The following WWOX variants were observed in gnomAD, a reference collection of about 807,000 sequenced individuals.
WWOX encodes WW domain-containing oxidoreductase.
In WWOX, 69 loss-of-function variants were observed where a neutral mutation model predicts 46.2. The ratio of observed to expected loss-of-function variants is 1.49; its 90% CI spans 1.23 to 1.82. The LOEUF is 1.82. Among genes scored for constraint, WWOX ranks in the 40% most tolerant of loss-of-function variants. The pLI is 0.00. For missense variants in WWOX, 919 were observed against 542.6 expected (o/e 1.69, Z -6.89); for synonymous variants, 359 against 202.6 (o/e 1.77, Z -6.56).
At chr16:79,102,292 A>C (rs1428272263) in intron 8 of WWOX, among the ~76,000 whole-genome samples, 1 of 152,182 alleles carries the variant, frequency 6.6e-6, no homozygotes, top group Non-Finnish European at 1.5e-5. Context: ...GACTATGGAC[A>C]AGAGGTGTTT....
At chr16:78,886,017 C>G (rs577111361) in intron 8 of WWOX, among the ~76,000 whole-genome samples, 123 of 151,002 alleles carry the variant, frequency 8.1e-4, no homozygotes, top group African/African-American at 2.8e-3. Context: ...CTCTGCCTCC[C>G]AAGTTCAAGC....
chr16:79,147,973 G>C (rs145836532), intron 8 of WWOX, among the ~76,000 whole-genome samples: 1 of 151,754 alleles, frequency 6.6e-6, no homozygotes, highest in Non-Finnish European at 1.5e-5. Context: ...TCTAGTTATT[G>C]GTTCTTTGTT....
At chr16:79,074,000 G>GA (rs140257428) in intron 8 of WWOX, among the ~76,000 whole-genome samples, 51,500 of 148,560 alleles carry the variant, frequency 0.35, 9,290 homozygotes, top group Middle Eastern at 0.43. Context: ...AAAGGTCTGA[G>GA]GAAAAAAAAA....
intron 8 of WWOX, among the ~76,000 whole-genome samples, chr16:79,194,004 A>G (rs773618341): frequency 1.3e-5 from 2 of 152,184 alleles, no homozygotes; most frequent in Non-Finnish European, 2.9e-5. Context: ...TCTTTGTCTC[A>G]GTTTTCTGTA....
At chr16:79,000,849 A>G (rs1277908904) in intron 8 of WWOX, among the ~76,000 whole-genome samples, 8 of 151,876 alleles carry the variant, frequency 5.3e-5, no homozygotes, top group Admixed American at 5.2e-4. Context: ...AGGACCCTGG[A>G]CCTCTCTTCC....
chr16:78,494,373 C>G (rs745878234), intron 8 of WWOX, among the ~76,000 whole-genome samples: 1 of 152,128 alleles, frequency 6.6e-6, no homozygotes, highest in Non-Finnish European at 1.5e-5. Flanking sequence ...CCAAACCACA[C>G]TGGAAGGTAA....
At chr16:79,148,839 A>G (rs1268322680) in intron 8 of WWOX, among the ~76,000 whole-genome samples, 1 of 152,098 alleles carries the variant, frequency 6.6e-6, no homozygotes, top group Non-Finnish European at 1.5e-5. Context: ...TAGAAATATG[A>G]TTGAGTTTTG....
chr16:79,034,777 A>G (rs1041844344), intron 8 of WWOX, among the ~76,000 whole-genome samples: 2 of 152,214 alleles, frequency 1.3e-5, no homozygotes, highest in African/African-American at 4.8e-5. Flanking sequence ...TTGGAATGCC[A>G]TAAATTACAT....
intron 8 of WWOX, among the ~76,000 whole-genome samples, chr16:78,988,478 A>G (rs2046823734): frequency 6.6e-6 from 1 of 151,652 alleles, no homozygotes; most frequent in East Asian, 1.9e-4. Context: ...GATGGAGAAG[A>G]CTCCTTGGAA....
At chr16:79,179,405 G>A (rs1296985977) in intron 8 of WWOX, among the ~76,000 whole-genome samples, 1 of 152,172 alleles carries the variant, frequency 6.6e-6, no homozygotes, top group Admixed American at 6.5e-5. Flanking sequence ...CTCCCCAGCA[G>A]TAATGCCTGA....
At chr16:78,451,562 C>T (rs980522869) in intron 8 of WWOX, among the ~76,000 whole-genome samples, 1 of 152,116 alleles carries the variant, frequency 6.6e-6, no homozygotes, top group African/African-American at 2.4e-5. Flanking sequence ...TGCTGGCCAG[C>T]CACATTACCT....
chr16:78,891,774 A>G lies in WWOX; in HGVS notation c.1057-319834A>G, dbSNP rs554819386. The G allele has an allele frequency of 3.3e-5, 5 of 152,320 alleles. 1 individual carries two copies. The East Asian group carries it at 7.7e-4, about 24-fold the overall frequency. The allele number at this position is 152,320 out of a possible 1,614,324, so 9.4% of individuals were successfully genotyped here. A position where few individuals can be genotyped will look rare whatever the true frequency, so the allele number is the denominator to read the frequency against. On this transcript the variant is annotated intron_variant, in intron 8 of 8. Coordinates refer to ENST00000566780, the MANE Select transcript of WWOX (RefSeq NM_016373.4). ...AATGATTTCGAATCCACTGCTGGGT[A>G]TTCTTCTAAGAGCACTGAAATGTCC...
At chr16:78,783,267 G>C (rs903593571) in intron 8 of WWOX, among the ~76,000 whole-genome samples, 1 of 152,346 alleles carries the variant, frequency 6.6e-6, no homozygotes, top group African/African-American at 2.4e-5. Context: ...ACAGGCTCCT[G>C]TTAAGCTCTC....
In WWOX at chr16:79,091,680, G is replaced by C. The variant is rs534595714; in HGVS notation, c.1057-119928G>C. Among the ~76,000 whole-genome samples, 3 of 151,784 alleles carry C rather than the reference G, an allele frequency of 2.0e-5. No individual in the cohort carries two copies. The South Asian group carries it at 6.2e-4, about 32-fold the overall frequency. On this transcript the variant is annotated intron_variant, in intron 8 of 8. Transcript: ENST00000566780. ...GACTCAAGGATATTCTTACCTCTTCGTTAAAGCAGCTCGCCTAAGGACTTT... is the reference window on the plus strand; with the variant it reads ...GACTCAAGGATATTCTTACCTCTTCCTTAAAGCAGCTCGCCTAAGGACTTT...
Position 78,356,071 on chromosome 16 carries a change from T to TAAAAAAAAAAAAAA in WWOX, c.517-30780_517-30767dup, listed in dbSNP as rs61113878. Among the ~76,000 whole-genome samples the TAAAAAAAAAAAAAA allele has an allele frequency of 9.9e-4, 75 of 76,136 alleles. 2 individuals carry two copies. Among genetic ancestry groups the TAAAAAAAAAAAAAA allele is most frequent in the African/African-American group, 2.2e-3 (48 of 21,592 alleles). The allele number at this position is 76,136 out of a possible 152,430, so 49.9% of individuals were successfully genotyped here. On this transcript the variant is annotated intron_variant, in intron 5 of 8. Coordinates refer to ENST00000566780, the MANE Select transcript of WWOX (RefSeq NM_016373.4). ...TATGACCACCAAGATTTTTTTTTCC[T>TAAAAAAAAAAAAAA]AAAAAAAAAAAAAAAAAAAAAAGAA...
At chr16:78,950,658 G>A (rs1019811177) in intron 8 of WWOX, among the ~76,000 whole-genome samples, 2 of 152,026 alleles carry the variant, frequency 1.3e-5, no homozygotes, top group African/African-American at 4.8e-5. Context: ...ATTTTGAGGT[G>A]GAATCCTTTT....
At chr16:78,618,356 G>A (rs928072028) in intron 8 of WWOX, among the ~76,000 whole-genome samples, 1 of 152,154 alleles carries the variant, frequency 6.6e-6, no homozygotes, top group Non-Finnish European at 1.5e-5. Flanking sequence ...CTGGAGGTTG[G>A]GAGTCCTAGA....
intron 8 of WWOX, among the ~76,000 whole-genome samples, chr16:78,560,991 G>C (rs1011784809): frequency 6.6e-6 from 1 of 152,138 alleles, no homozygotes; most frequent in African/African-American, 2.4e-5. Context: ...TCTGCTCAGG[G>C]TCTCTTGGGG....
chr16:78,591,560 C>G (rs976324776), intron 8 of WWOX, among the ~76,000 whole-genome samples: 3 of 152,162 alleles, frequency 2.0e-5, no homozygotes, highest in Non-Finnish European at 2.9e-5. Flanking sequence ...TAACATCAGG[C>G]AAATGGGTTT....
Sources: gnomAD v4.1 joint callset for allele counts (sites outside exome capture counted in the v4.1 genomes callset) on GRCh38, gnomAD v4.1.1 for gene constraint, MANE v1.5 for transcripts, NCBI Gene and HGNC (gene_info 2026-07-23, HGNC 2026-07-21) for gene names.